CSMD1: variants seen among roughly 807,000 people sequenced by gnomAD.
CSMD1 encodes CUB and Sushi multiple domains 1, also known as CUB and sushi domain-containing protein 1.
In CSMD1, 213 loss-of-function variants were observed where a neutral mutation model predicts 417.5. The ratio of observed to expected loss-of-function variants is 0.51; its 90% CI spans 0.46 to 0.57. The LOEUF (loss-of-function observed/expected upper bound fraction) is 0.57. Ranked by LOEUF, CSMD1 falls within the 20% of genes least tolerant of loss-of-function variation. The pLI is 0.00. For missense variants in CSMD1, 6,923 were observed against 4,529.7 expected, an observed-to-expected ratio of 1.53 and a Z score of -15.17; for synonymous variants, 2,862 against 1,736.8, an observed-to-expected ratio of 1.65 and a Z score of -16.11.
intron 54 of CSMD1, among the ~76,000 whole-genome samples, chr8:2,997,797 A>G (rs1465097785): frequency 6.6e-6 from 1 of 152,236 alleles, no homozygotes; most frequent in African/African-American, 2.4e-5. Context: ...AGATAATTCT[A>G]GATTTTCGTA....
Position 3,687,297 on chromosome 8 carries a change from A to G in CSMD1, c.1009+21117T>C, listed in dbSNP as rs138072389. ...AAAAAAGTCTGTGGTTACCCCATGT[A>G]TGATGGATGAAAAGGTGATCTGCTC... On this transcript the variant is annotated intron_variant, in intron 7 of 69. Coordinates refer to ENST00000635120, the MANE Select transcript of CSMD1 (RefSeq NM_033225.6). Among the ~76,000 whole-genome samples the G allele has an allele frequency of 2.5e-3, 374 of 152,330 alleles. 1 individual carries two copies. Among genetic ancestry groups the G allele is most frequent in the African/African-American group, 8.8e-3 (364 of 41,576 alleles).
chr8:4,430,595 C>G (rs1027900919), intron 2 of CSMD1, among the ~76,000 whole-genome samples: 7 of 152,174 alleles, frequency 4.6e-5, no homozygotes, highest in African/African-American at 1.4e-4. Flanking sequence ...AAATTGCATT[C>G]TAGACAAGTT....
At chr8:4,573,911 T>C (rs1045841143) in intron 2 of CSMD1, among the ~76,000 whole-genome samples, 3 of 152,204 alleles carry the variant, frequency 2.0e-5, no homozygotes, top group Non-Finnish European at 4.4e-5. Context: ...CTGGCAGCTA[T>C]GTTTACACTG....
intron 12 of CSMD1, among the ~76,000 whole-genome samples, chr8:3,443,201 G>C (rs1013835865): frequency 3.9e-5 from 6 of 152,148 alleles, no homozygotes; most frequent in African/African-American, 1.4e-4. Flanking sequence ...ACACGCACAA[G>C]GCTATTCATG....
intron 12 of CSMD1, among the ~76,000 whole-genome samples, chr8:3,440,288 T>C (rs969871413): frequency 4.6e-5 from 7 of 152,222 alleles, no homozygotes; most frequent in African/African-American, 1.7e-4. Context: ...GAACATACTA[T>C]ATCTCTCTAC....
chr8:4,436,505 T>A (rs1399890951), intron 2 of CSMD1, among the ~76,000 whole-genome samples: 1 of 152,150 alleles, frequency 6.6e-6, no homozygotes, highest in East Asian at 1.9e-4. Context: ...GTATCTCTCC[T>A]CTCAAACATT....
chr8:3,491,078 T>C (rs1433171364), intron 11 of CSMD1, among the ~76,000 whole-genome samples: 1 of 152,150 alleles, frequency 6.6e-6, no homozygotes, highest in Non-Finnish European at 1.5e-5. Context: ...CAAAAAAGTA[T>C]GCCAATGTCT....
At chr8:4,156,239 T>C (rs1249394344) in intron 3 of CSMD1, among the ~76,000 whole-genome samples, 1 of 152,184 alleles carries the variant, frequency 6.6e-6, no homozygotes, top group Non-Finnish European at 1.5e-5. Context: ...TAGCAAAATC[T>C]TTCTTTTTAC....
chr8:4,658,082 A>T (rs1804357062), intron 1 of CSMD1, among the ~76,000 whole-genome samples: 2 of 152,182 alleles, frequency 1.3e-5, no homozygotes, highest in African/African-American at 2.4e-5. Context: ...GGAAAAAAAT[A>T]AACAGAGCTT....
chr8:4,499,305 T>C (rs1290160796), intron 2 of CSMD1, among the ~76,000 whole-genome samples: 1 of 152,120 alleles, frequency 6.6e-6, no homozygotes, highest in Admixed American at 6.5e-5. Context: ...TGAAAAACGC[T>C]TGGGATTAAG....
intron 5 of CSMD1, among the ~76,000 whole-genome samples, chr8:3,957,685 C>T (rs536395078): frequency 2.1e-5 from 3 of 141,774 alleles, no homozygotes; most frequent in East Asian, 2.1e-4. Context: ...AAGACCATGT[C>T]GGAAAAAAAA....
chr8:3,268,437 C>T lies in CSMD1; in HGVS notation c.4153+15707G>A, dbSNP rs371865453. Among the ~76,000 whole-genome samples the T allele has an allele frequency of 5.7e-4, 87 of 151,692 alleles. 1 individual carries two copies. The highest frequency in any genetic ancestry group is 3.4e-3 in the Middle Eastern group (1 of 294). On this transcript the variant is annotated intron_variant, in intron 26 of 69. Coordinates refer to ENST00000635120, the MANE Select transcript of CSMD1 (RefSeq NM_033225.6). ...CCGAGTAACTGGGACTACAGGTGCCCGCCACCACGCCCAGCTGATTTTTTT... is the reference window on the plus strand; with the variant it reads ...CCGAGTAACTGGGACTACAGGTGCCTGCCACCACGCCCAGCTGATTTTTTT...
chr8:3,267,374 G>C (rs1366009021), intron 26 of CSMD1, among the ~76,000 whole-genome samples: 2 of 152,220 alleles, frequency 1.3e-5, no homozygotes, highest in African/African-American at 2.4e-5. Flanking sequence ...TGGAAGATTT[G>C]AAATACAAAG....
chr8:3,580,290 T>A (rs1049652431), intron 9 of CSMD1, among the ~76,000 whole-genome samples: 1 of 151,902 alleles, frequency 6.6e-6, no homozygotes, highest in African/African-American at 2.4e-5. Flanking sequence ...GATAAAAGAT[T>A]TGTAAAGTGA....
intron 52 of CSMD1, among the ~76,000 whole-genome samples, chr8:3,004,637 C>T (rs543838660): frequency 7.9e-5 from 12 of 152,234 alleles, no homozygotes; most frequent in Admixed American, 2.6e-4. Flanking sequence ...AGCTCAAGCA[C>T]GAATTAACAA....
chr8:4,430,259 C>A (rs1408574650), intron 2 of CSMD1, among the ~76,000 whole-genome samples: 2 of 152,074 alleles, frequency 1.3e-5, no homozygotes, highest in African/African-American at 4.8e-5. Flanking sequence ...AAGAAATTTT[C>A]TAAAATCACA....
chr8:4,052,178 G>C (rs925201257), intron 3 of CSMD1, among the ~76,000 whole-genome samples: 2 of 152,078 alleles, frequency 1.3e-5, no homozygotes, highest in African/African-American at 4.8e-5. Flanking sequence ...ACCCACCTTG[G>C]CCTCCGAAAG....
intron 1 of CSMD1, among the ~76,000 whole-genome samples, chr8:4,785,612 G>C (rs541012124): frequency 6.6e-6 from 1 of 151,966 alleles, no homozygotes; most frequent in Non-Finnish European, 1.5e-5. Flanking sequence ...GGGGCTCTGA[G>C]AACCTCAGCT....
At chr8:3,931,963 A>T (rs182395432) in intron 5 of CSMD1, among the ~76,000 whole-genome samples, 2 of 150,082 alleles carry the variant, frequency 1.3e-5, no homozygotes, top group East Asian at 2.0e-4. Context: ...AGGACTTTTT[A>T]AAAAATTAAA....
Sources: allele counts gnomAD v4.1 joint callset (sites outside exome capture counted in the v4.1 genomes callset), GRCh38; gene constraint gnomAD v4.1.1; transcripts MANE v1.5; gene names NCBI Gene and HGNC (gene_info 2026-07-23, HGNC 2026-07-21).